Variants in GLIS1 observed in about 807,000 individuals in gnomAD.
GLIS1 encodes zinc finger protein GLIS1.
Under a neutral mutation model 63.8 loss-of-function variants are expected in GLIS1, and 24 were observed. That is an observed-to-expected ratio of 0.38 (90% CI 0.27 to 0.53). The LOEUF (loss-of-function observed/expected upper bound fraction) is 0.53. GLIS1 is among the 20% of genes least tolerant of loss of function. GLIS1 has a pLI of 0.85. For synonymous variants in GLIS1, 450 were observed against 482.5 expected (o/e 0.93, Z 0.88); for missense variants, 1,036 against 1,074.1 (o/e 0.96, Z 0.50).
chr1:53,547,789 G>C (rs2316193), intron 4 of GLIS1, among the ~76,000 whole-genome samples: 90,946 of 151,664 alleles, frequency 0.6, 27,598 homozygotes, highest in Middle Eastern at 0.63. Flanking sequence ...GGCTGTCAGC[G>C]ATCACCAGGA....
At chr1:53,561,509 T>G (rs1480456380) in intron 4 of GLIS1, among the ~76,000 whole-genome samples, 1 of 152,204 alleles carries the variant, frequency 6.6e-6, no homozygotes, top group African/African-American at 2.4e-5. Context: ...TTAAATAATT[T>G]CTGTGTAACT....
intron 2 of GLIS1, among the ~76,000 whole-genome samples, chr1:53,641,215 C>T (rs1203721686): frequency 1.3e-5 from 2 of 152,216 alleles, no homozygotes; most frequent in Non-Finnish European, 2.9e-5. Context: ...CATCCTCCAG[C>T]TGAGTACCTG....
intron 4 of GLIS1, among the ~76,000 whole-genome samples, chr1:53,533,705 C>A (rs1192614156): frequency 6.6e-6 from 1 of 152,202 alleles, no homozygotes; most frequent in African/African-American, 2.4e-5. Context: ...GACCAGCATC[C>A]CAGACACGCC....
At chr1:53,701,689 T>C (rs1456482350) in intron 2 of GLIS1, among the ~76,000 whole-genome samples, 2 of 152,086 alleles carry the variant, frequency 1.3e-5, no homozygotes, top group African/African-American at 2.4e-5. Context: ...CAAATGCACT[T>C]TGTTTGAAAA....
chr1:53,685,291 C>T (rs1313677812), intron 2 of GLIS1, among the ~76,000 whole-genome samples: 2 of 152,216 alleles, frequency 1.3e-5, no homozygotes, highest in Non-Finnish European at 2.9e-5. Flanking sequence ...CCTTCACTCC[C>T]TTTGGAGCCC....
intron 4 of GLIS1, among the ~76,000 whole-genome samples, chr1:53,575,797 G>A (rs934048305): frequency 1.3e-5 from 2 of 152,114 alleles, no homozygotes; most frequent in Admixed American, 6.5e-5. Context: ...GTGCAGGAGG[G>A]GCTACACAGG....
chr1:53,592,542 C>T (rs986305449), intron 4 of GLIS1, among the ~76,000 whole-genome samples: 4 of 152,314 alleles, frequency 2.6e-5, no homozygotes, highest in African/African-American at 9.6e-5. Flanking sequence ...TCCCAGCAGC[C>T]CTGGCCTGGC....
intron 7 of GLIS1, among the ~76,000 whole-genome samples, chr1:53,517,646 T>TG (rs146086689): frequency 0.15 from 23,143 of 151,350 alleles, 1,939 homozygotes; most frequent in Non-Finnish European, 0.2. Context: ...AGGGGTTGGG[T>TG]GGGGGGTCTC....
At chr1:53,609,231 G>A (rs934703750) in intron 2 of GLIS1, among the ~76,000 whole-genome samples, 1 of 143,130 alleles carries the variant, frequency 7.0e-6, no homozygotes, top group Admixed American at 7.0e-5. Context: ...TACATTTAAT[G>A]CAATTACCAT....
intron 2 of GLIS1, among the ~76,000 whole-genome samples, chr1:53,716,503 T>C (rs777366518): frequency 1.3e-5 from 2 of 151,958 alleles, no homozygotes; most frequent in Non-Finnish European, 2.9e-5. Flanking sequence ...GGAACTCAGA[T>C]GAAATGAATG....
At chr1:53,586,290 C>G (rs916302313) in intron 4 of GLIS1, among the ~76,000 whole-genome samples, 2 of 152,176 alleles carry the variant, frequency 1.3e-5, no homozygotes, top group African/African-American at 4.8e-5. Context: ...ATCTGTTGAG[C>G]CCCTACTAAA....
chr1:53,716,678 CAAAG>C (rs1451927804), intron 2 of GLIS1, among the ~76,000 whole-genome samples: 2 of 152,036 alleles, frequency 1.3e-5, no homozygotes, highest in Non-Finnish European at 2.9e-5. Context: ...GAAAAAGAGT[CAAAG>C]AAACCCTCCA....
At chr1:53,688,093 C>G (rs371763249) in intron 2 of GLIS1, among the ~76,000 whole-genome samples, 2 of 152,192 alleles carry the variant, frequency 1.3e-5, no homozygotes, top group African/African-American at 4.8e-5. Flanking sequence ...CCTGCCCCAG[C>G]GCGTTTCCTG....
At chr1:53,550,113 G>A (rs1644743697) in intron 4 of GLIS1, among the ~76,000 whole-genome samples, 1 of 152,204 alleles carries the variant, frequency 6.6e-6, no homozygotes, top group African/African-American at 2.4e-5. Flanking sequence ...TGCCAGCCCT[G>A]TATTCAATTT....
At chr1:53,536,921 C>T (rs1370194372) in intron 4 of GLIS1, among the ~76,000 whole-genome samples, 2 of 152,182 alleles carry the variant, frequency 1.3e-5, no homozygotes, top group Non-Finnish European at 2.9e-5. Flanking sequence ...GCCCAATTCC[C>T]ACATGTGGGG....
chr1:53,510,153 T>C, intron 8 of GLIS1, 126 bp from the exon 9 acceptor site: 1 of 443,548 alleles, frequency 2.3e-6, no homozygotes, highest in Non-Finnish European at 3.8e-6. Flanking sequence ...TGCTCCGACT[T>C]ACAATAGTTA....
chr1:53,712,147 C>T (rs1003579404), intron 2 of GLIS1, among the ~76,000 whole-genome samples: 2 of 152,136 alleles, frequency 1.3e-5, no homozygotes, highest in Non-Finnish European at 2.9e-5. Flanking sequence ...CCAAATTCCT[C>T]CCCACTACCC....
At position 53,560,665 on chromosome 1, in the gene GLIS1, C is replaced by T. The variant is rs747812313; in HGVS notation, c.1321-30713G>A. 1.3e-5 allele frequency among the ~76,000 whole-genome samples: 2 copies of T among 152,158 alleles called. No individual in the cohort carries two copies. The highest frequency in any genetic ancestry group is 2.4e-5 in the African/African-American group (1 of 41,426). On this transcript the variant is annotated intron_variant, in intron 4 of 10. Coordinates refer to ENST00000628545, the MANE Select transcript of GLIS1 (RefSeq NM_001367484.1). The surrounding 1 kb of genome is among the most constrained non-coding windows in gnomAD (Gnocchi z 4.4). ...CACTGCCTTTGGCAAACACTTGTTGCGGGCCGTGTGTCCCGCAATGTTCTA... is the reference window on the plus strand; with the variant it reads ...CACTGCCTTTGGCAAACACTTGTTGTGGGCCGTGTGTCCCGCAATGTTCTA...
At chr1:53,597,176 TAAAAAAAAAAAAAAAAAAAAAAA>T (rs57607550) in intron 3 of GLIS1, among the ~76,000 whole-genome samples, 2 of 19,312 alleles carry the variant, frequency 1.0e-4, no homozygotes, top group Non-Finnish European at 2.1e-4. Flanking sequence ...CTGTCTCTAC[TAAAAAAAAAAAAAAAAAAAAAAA>T]AAAAAAAAAA....
Sources: gnomAD v4.1 joint callset for allele counts (sites outside exome capture counted in the v4.1 genomes callset) on GRCh38, gnomAD v4.1.1 for gene constraint, Gnocchi (gnomAD v3.1) non-coding constraint, MANE v1.5 for transcripts, NCBI Gene and HGNC (gene_info 2026-07-23, HGNC 2026-07-21) for gene names.